MAP2: variants seen among roughly 807,000 people sequenced by gnomAD.
MAP2 encodes microtubule associated protein 2, also known as microtubule-associated protein 2.
Under a neutral mutation model 137.6 loss-of-function variants are expected in MAP2, and 14 were observed. The ratio of observed to expected loss-of-function variants is 0.10; its 90% confidence interval spans 0.07 to 0.16. The LOEUF (loss-of-function observed/expected upper bound fraction) is 0.16, where lower values mean the gene tolerates loss of function less well. Among genes scored for constraint, MAP2 ranks in the 10% least tolerant of loss-of-function variants. The pLI, the probability that MAP2 is intolerant of heterozygous loss-of-function variation, is 1.00. For missense variants in MAP2, 2,088 were observed against 2,191.5 expected, an observed-to-expected ratio of 0.95 and a Z score of 0.94; for synonymous variants, 786 against 782.3, an observed-to-expected ratio of 1.00 and a Z score of -0.08.
intron 13 of MAP2, among the ~76,000 whole-genome samples, chr2:209,711,705 C>T (rs1285290068): frequency 6.6e-6 from 1 of 152,076 alleles, no homozygotes; most frequent in Admixed American, 6.6e-5. Context: ...TCAAATGTTG[C>T]ATCATCTTTA....
chr2:209,615,324 C>T (rs2088827735), intron 3 of MAP2, among the ~76,000 whole-genome samples: 1 of 152,140 alleles, frequency 6.6e-6, no homozygotes, highest in Non-Finnish European at 1.5e-5. Context: ...TGCCACAATC[C>T]TTCTCAAAGA....
At chr2:209,632,502 A>G (rs1172438246) in intron 4 of MAP2, among the ~76,000 whole-genome samples, 1 of 152,182 alleles carries the variant, frequency 6.6e-6, no homozygotes, top group African/African-American at 2.4e-5. Flanking sequence ...TGCTTAATAG[A>G]TTCTCAGTGA....
chr2:209,729,722 T>C lies in MAP2; in HGVS notation c.5156-128T>C, dbSNP rs1282889895. ...AATTCTAAAAGACTCTTTTTACATA[T>C]ATGGTTGGAGGGATGGTAAAGTTAA... is the stretch of plus-strand genomic sequence containing the variant. On this transcript the variant is annotated intron_variant, in intron 14 of 15. Coordinates refer to ENST00000682079, the MANE Select transcript of MAP2 (RefSeq NM_001375505.1). 24 of 624,374 alleles carry C rather than the reference T, an allele frequency of 3.8e-5. No homozygotes were observed. In the South Asian group the frequency reaches 4.1e-4, roughly 11 times the overall value. The allele number at this position is 624,374 out of a possible 1,614,324, so 38.7% of individuals were successfully genotyped here.
intron 4 of MAP2, among the ~76,000 whole-genome samples, chr2:209,641,825 G>C (rs2094050612): frequency 6.6e-6 from 1 of 152,060 alleles, no homozygotes; most frequent in South Asian, 2.1e-4. Flanking sequence ...CTCAGAAATA[G>C]TATACAGCTG....
chr2:209,508,271 T>C (rs2061311908), intron 2 of MAP2, among the ~76,000 whole-genome samples: 1 of 150,886 alleles, frequency 6.6e-6, no homozygotes, highest in South Asian at 2.1e-4. Context: ...TCAACATGTA[T>C]TCAGATTGAA....
At chr2:209,697,106 T>A (rs977237743) in intron 10 of MAP2, 55 bp downstream of exon 10, 110 of 1,472,798 alleles carry the variant, frequency 7.5e-5, no homozygotes, top group Middle Eastern at 1.8e-4. Context: ...ATTTTTTTTT[T>A]AAATCTCATT....
chr2:209,633,165 A>T (rs1385557862), intron 4 of MAP2, among the ~76,000 whole-genome samples: 1 of 152,062 alleles, frequency 6.6e-6, no homozygotes, highest in Non-Finnish European at 1.5e-5. Context: ...CGTTTCTCTC[A>T]TGTTACAATC....
chr2:209,611,055 A>G (rs1329030378), intron 3 of MAP2, among the ~76,000 whole-genome samples: 1 of 152,220 alleles, frequency 6.6e-6, no homozygotes, highest in Non-Finnish European at 1.5e-5. Context: ...ATAATCTATA[A>G]GTTACTAGGA....
intron 10 of MAP2, among the ~76,000 whole-genome samples, chr2:209,699,413 T>C (rs942418902): frequency 1.2e-4 from 18 of 152,184 alleles, no homozygotes; most frequent in African/African-American, 3.6e-4. Flanking sequence ...AGCTTGATTA[T>C]TTTATCTTCT....
chr2:209,482,130 A>C (rs547205840), intron 1 of MAP2, among the ~76,000 whole-genome samples: 1 of 152,204 alleles, frequency 6.6e-6, no homozygotes. Context: ...ACACTTCACT[A>C]TTCTTACTTA....
At chr2:209,578,598 C>T (rs994201633) in intron 2 of MAP2, among the ~76,000 whole-genome samples, 3 of 152,010 alleles carry the variant, frequency 2.0e-5, no homozygotes, top group African/African-American at 7.2e-5. Flanking sequence ...GAATTTTGCT[C>T]CATTCACTGG....
intron 2 of MAP2, among the ~76,000 whole-genome samples, chr2:209,565,309 T>C (rs574035683): frequency 4.1e-4 from 62 of 152,182 alleles, no homozygotes; most frequent in Non-Finnish European, 7.4e-4. Flanking sequence ...CCTCAACCTT[T>C]TGGGTTTAAG....
chr2:209,698,039 G>A (rs1026597551), intron 10 of MAP2, among the ~76,000 whole-genome samples: 3 of 151,348 alleles, frequency 2.0e-5, no homozygotes, highest in Non-Finnish European at 2.9e-5. Context: ...TAGTAGAGAC[G>A]GGGTTTCACC....
In MAP2 at chr2:209,716,305, A is replaced by G. The variant is rs75583126; in HGVS notation, c.5073+6051A>G. 5.3e-5 allele frequency among the ~76,000 whole-genome samples: 8 copies of G among 152,368 alleles called. No homozygotes were observed. In the East Asian group the frequency reaches 1.5e-3, roughly 29 times the overall value. ...TCAATAAATATGCAGTGAAAATTGA[A>G]TGAATGTATTATGCCATATTCATGG... is the stretch of plus-strand genomic sequence containing the variant. On this transcript the variant is annotated intron_variant, in intron 13 of 15. Transcript: ENST00000682079.
At chr2:209,463,513 AT>A (rs1703381246) in intron 1 of MAP2, among the ~76,000 whole-genome samples, 1 of 152,154 alleles carries the variant, frequency 6.6e-6, no homozygotes, top group Non-Finnish European at 1.5e-5. Flanking sequence ...TTCCTTGTGA[AT>A]TTGTAAAAGT....
chr2:209,561,391 TA>T (rs1002504093), intron 2 of MAP2, among the ~76,000 whole-genome samples: 2 of 152,206 alleles, frequency 1.3e-5, no homozygotes, highest in Non-Finnish European at 2.9e-5. Context: ...AAGAATCCAT[TA>T]CATACGTAGA....
At chr2:209,509,826 A>AT in intron 2 of MAP2, among the ~76,000 whole-genome samples, 1 of 152,060 alleles carries the variant, frequency 6.6e-6, no homozygotes, top group African/African-American at 2.4e-5. Flanking sequence ...CAGAAATGCC[A>AT]TTGCAATATT....
chr2:209,690,527 T>C, intron 7 of MAP2: 2 of 1,121,844 alleles, frequency 1.8e-6, no homozygotes, highest in Non-Finnish European at 2.3e-6. Flanking sequence ...GAGCTGAAAG[T>C]GTTCCTTTAG....
intron 1 of MAP2, among the ~76,000 whole-genome samples, chr2:209,457,396 C>T (rs151061033): frequency 5.3e-5 from 8 of 152,326 alleles, no homozygotes; most frequent in African/African-American, 1.9e-4. Flanking sequence ...TGACTGCATA[C>T]ATGCACAAGT....
Sources: allele counts gnomAD v4.1 joint callset (sites outside exome capture counted in the v4.1 genomes callset), GRCh38; gene constraint gnomAD v4.1.1; transcripts MANE v1.5; gene names NCBI Gene and HGNC (gene_info 2026-07-23, HGNC 2026-07-21).